Variants in AGMO observed in about 807,000 individuals in gnomAD.
The protein encoded by AGMO is glyceryl-ether monooxygenase.
AGMO carries 75 observed loss-of-function variants against 60.2 expected under a neutral mutation model. That is an observed-to-expected ratio of 1.25 (90% CI 1.03 to 1.51). The LOEUF (loss-of-function observed/expected upper bound fraction) is 1.51, where lower values mean the gene tolerates loss of function less well. Ranked by LOEUF, AGMO falls within the 40% of genes most tolerant of loss-of-function variation. The pLI is 0.00. For missense variants in AGMO, 763 were observed against 525.5 expected, an observed-to-expected ratio of 1.45 and a Z score of -4.42; for synonymous variants, 261 against 177.1, an observed-to-expected ratio of 1.47 and a Z score of -3.76.
chr7:15,500,033 G>T (rs995370373), intron 3 of AGMO, among the ~76,000 whole-genome samples: 2 of 151,166 alleles, frequency 1.3e-5, no homozygotes, highest in Admixed American at 1.3e-4. Flanking sequence ...GACAAAACTA[G>T]GTATGAGTAT....
intron 5 of AGMO, among the ~76,000 whole-genome samples, chr7:15,406,275 T>C (rs1784683474): frequency 2.1e-5 from 3 of 144,094 alleles, no homozygotes; most frequent in African/African-American, 5.3e-5. Flanking sequence ...TAAGTATACA[T>C]GTACACATAT....
chr7:15,189,086 G>C, the AGMO span, among the ~76,000 whole-genome samples: 1 of 152,044 alleles, frequency 6.6e-6, no homozygotes, highest in Non-Finnish European at 1.5e-5. Flanking sequence ...AAAATATTTT[G>C]AAGGATCCTA....
At chr7:15,475,847 G>C (rs186176911) in intron 3 of AGMO, among the ~76,000 whole-genome samples, 86 of 152,142 alleles carry the variant, frequency 5.7e-4, no homozygotes, top group Admixed American at 9.2e-4. Flanking sequence ...ATTAAAAGAA[G>C]ATGGAATGAG....
chr7:15,215,205 A>G (rs556537050), intron 12 of AGMO, among the ~76,000 whole-genome samples: 2 of 152,246 alleles, frequency 1.3e-5, no homozygotes, highest in East Asian at 3.9e-4. Context: ...AGACTCGTAG[A>G]GAAACTTACA....
At chr7:15,189,388 C>T in the AGMO span, among the ~76,000 whole-genome samples, 3 of 151,978 alleles carry the variant, frequency 2.0e-5, no homozygotes, top group South Asian at 2.1e-4. Context: ...CATTTTACAG[C>T]CTCTCTTCCA....
rs571720704 is a variant in AGMO, at chr7:15,485,268, G to C, written c.410-54160C>G. 3.1e-3 allele frequency among the ~76,000 whole-genome samples: 463 copies of C among 151,636 alleles called. 2 individuals are homozygous for C. Among genetic ancestry groups the C allele is most frequent in the African/African-American group, 0.011 (442 of 41,326 alleles). On this transcript the variant is annotated intron_variant, in intron 3 of 12. Coordinates refer to ENST00000342526, the MANE Select transcript of AGMO (RefSeq NM_001004320.2). ...GGAAGCAGAGGTTGCAGTGAGCCGA[G>C]ATCATGCCATTGCACTCCAGGCTGT...
chr7:15,210,642 G>A (rs939393852), intron 12 of AGMO, among the ~76,000 whole-genome samples: 2 of 152,054 alleles, frequency 1.3e-5, no homozygotes, highest in Non-Finnish European at 2.9e-5. Context: ...GTATAACGGA[G>A]TGATATTCCT....
At chr7:15,239,936 T>C (rs1287370975) in intron 12 of AGMO, among the ~76,000 whole-genome samples, 1 of 152,158 alleles carries the variant, frequency 6.6e-6, no homozygotes, top group African/African-American at 2.4e-5. Context: ...TCCTTATCCA[T>C]GCATTTTGAA....
intron 12 of AGMO, among the ~76,000 whole-genome samples, chr7:15,320,256 T>C (rs1264243126): frequency 6.6e-6 from 1 of 151,788 alleles, no homozygotes; most frequent in East Asian, 1.9e-4. Flanking sequence ...GAAAATAAAG[T>C]ATAATAAAAA....
In AGMO at chr7:15,289,863, G is replaced by C. The variant is rs75846198; in HGVS notation, c.1263+75651C>G. On this transcript the variant is annotated intron_variant, in intron 12 of 12. Transcript: ENST00000342526. ...TATTCTCTTGGGTAGGGATCTACAT[G>C]CCTAATTCTTTGTCTTAATTTTTCA... is the stretch of plus-strand genomic sequence containing the variant. Among the ~76,000 whole-genome samples the C allele has an allele frequency of 7.0e-3, 1,050 of 149,418 alleles. 18 individuals carry two copies. The highest frequency in any genetic ancestry group is 0.025 in the African/African-American group (1,008 of 40,654).
intron 3 of AGMO, among the ~76,000 whole-genome samples, chr7:15,527,540 C>T (rs2128539009): frequency 6.6e-6 from 1 of 152,232 alleles, no homozygotes; most frequent in East Asian, 1.9e-4. Context: ...AATAAAAGCA[C>T]AAGACAAGCC....
At chr7:15,314,029 G>T (rs973372426) in intron 12 of AGMO, among the ~76,000 whole-genome samples, 1 of 151,968 alleles carries the variant, frequency 6.6e-6, no homozygotes, top group African/African-American at 2.4e-5. Flanking sequence ...TTTGTCAGAA[G>T]GATCAGCTGC....
downstream of AGMO, among the ~76,000 whole-genome samples, chr7:15,198,565 AG>A (rs1363814260): frequency 5.3e-5 from 8 of 152,328 alleles, no homozygotes; most frequent in East Asian, 1.5e-3. Flanking sequence ...ATTCATGCAG[AG>A]CCAGCTGAAT....
chr7:15,421,373 A>C (rs1383002312), intron 4 of AGMO, among the ~76,000 whole-genome samples: 1 of 152,168 alleles, frequency 6.6e-6, no homozygotes, highest in African/African-American at 2.4e-5. Flanking sequence ...AAACCAGAGA[A>C]GGGAGCCATT....
At chr7:15,546,592 A>C (rs965927805) in intron 2 of AGMO, among the ~76,000 whole-genome samples, 3 of 152,194 alleles carry the variant, frequency 2.0e-5, no homozygotes, top group African/African-American at 7.2e-5. Flanking sequence ...ATTTTGGGGC[A>C]TGTAGACAGA....
At chr7:15,445,673 C>T (rs368818091) in intron 3 of AGMO, among the ~76,000 whole-genome samples, 23 of 152,174 alleles carry the variant, frequency 1.5e-4, no homozygotes, top group African/African-American at 5.3e-4. Flanking sequence ...TCTTCAGAAA[C>T]ATCAAACATA....
At chr7:15,536,339 G>C (rs1417568641) in intron 3 of AGMO, among the ~76,000 whole-genome samples, 1 of 151,782 alleles carries the variant, frequency 6.6e-6, no homozygotes, top group Non-Finnish European at 1.5e-5. Context: ...CTTCTCCAAA[G>C]CCCTTCAATG....
At chr7:15,387,701 A>C (rs1783973907) in intron 8 of AGMO, among the ~76,000 whole-genome samples, 161 bp from the exon 9 acceptor site, 1 of 152,174 alleles carries the variant, frequency 6.6e-6, no homozygotes. Flanking sequence ...CCATGCTGTA[A>C]TCTATTCTAT....
At chr7:15,339,221 A>C (rs918515730) in intron 12 of AGMO, among the ~76,000 whole-genome samples, 3 of 152,184 alleles carry the variant, frequency 2.0e-5, no homozygotes, top group African/African-American at 7.2e-5. Context: ...ATTCATGCTG[A>C]GGGGCCTGCA....
Sources: gnomAD v4.1 joint callset for allele counts (sites outside exome capture counted in the v4.1 genomes callset) on GRCh38, gnomAD v4.1.1 for gene constraint, MANE v1.5 for transcripts, NCBI Gene and HGNC (gene_info 2026-07-23, HGNC 2026-07-21) for gene names.